SRFBP1: variants seen among roughly 807,000 people sequenced by gnomAD.
SRFBP1 encodes the protein serum response factor-binding protein 1.
In SRFBP1, 47 loss-of-function variants were observed where a neutral mutation model predicts 45.5. That is an observed-to-expected ratio of 1.03 (90% CI 0.82 to 1.32). The LOEUF (loss-of-function observed/expected upper bound fraction) is 1.32, where lower values mean the gene tolerates loss of function less well. Among genes scored for constraint, SRFBP1 ranks in the 40% most tolerant of loss-of-function variants. SRFBP1 has a pLI of 0.00. For missense variants in SRFBP1, 621 were observed against 484.6 expected (o/e 1.28, Z -2.64); for synonymous variants, 203 against 166.3 (o/e 1.22, Z -1.70).
intron 2 of SRFBP1, among the ~76,000 whole-genome samples, chr5:122,040,437 C>G (rs886526362): frequency 6.6e-6 from 1 of 152,108 alleles, no homozygotes; most frequent in African/African-American, 2.4e-5. Flanking sequence ...AAGTCATTCT[C>G]CATGTTGTTT....
chr5:122,037,810 G>T lies in SRFBP1; in HGVS notation n.311+15403G>T, dbSNP rs145609457. Among the ~76,000 whole-genome samples the T allele has an allele frequency of 4.2e-4, 64 of 152,194 alleles. 1 individual carries two copies. Among genetic ancestry groups the T allele is most frequent in the African/African-American group, 1.5e-3 (63 of 41,526 alleles). On this transcript the variant is annotated intron_variant and non_coding_transcript_variant, in intron 2 of 2. Transcript: ENST00000504881. ...TGGGATTATACCCATGAGCCACAGT[G>T]CTTGGCCTGAATGTAGCTCTTAATC...
intron 4 of SRFBP1, 110 bp from the exon 5 acceptor site, chr5:122,019,150 C>T: frequency 1.1e-6 from 1 of 875,494 alleles, no homozygotes; most frequent in South Asian, 1.5e-5. Context: ...TTAACTAGTT[C>T]TATTCTCCAA....
intron 2 of SRFBP1, among the ~76,000 whole-genome samples, chr5:122,046,197 C>A (rs1397084253): frequency 1.3e-5 from 2 of 151,978 alleles, no homozygotes; most frequent in African/African-American, 4.8e-5. Flanking sequence ...TCCCTCCACC[C>A]CCCCTCACCC....
chr5:121,983,419 T>C (rs1428440291), intron 3 of SRFBP1, among the ~76,000 whole-genome samples: 2 of 151,782 alleles, frequency 1.3e-5, no homozygotes, highest in African/African-American at 4.8e-5. Context: ...ACAATTTTGA[T>C]GTTTTTATTT....
intron 4 of SRFBP1, among the ~76,000 whole-genome samples, chr5:121,995,346 C>T (rs988387921): frequency 3.9e-5 from 6 of 152,228 alleles, no homozygotes; most frequent in African/African-American, 7.2e-5. Flanking sequence ...AACTAGAACT[C>T]GGGATTAAGA....
downstream of SRFBP1, chr5:122,077,654 C>G (rs1222871851): frequency 6.2e-7 from 1 of 1,607,974 alleles, no homozygotes; most frequent in Non-Finnish European, 8.5e-7. The surrounding 1 kb of genome is among the most constrained non-coding windows in gnomAD (Gnocchi z 4.9). Flanking sequence ...AGCGGTGACT[C>G]CAGATGAGCC....
At chr5:122,028,901 T>C (rs1467413932), downstream of SRFBP1, among the ~76,000 whole-genome samples, 1 of 152,146 alleles carries the variant, frequency 6.6e-6, no homozygotes, top group Non-Finnish European at 1.5e-5. Context: ...AGGGAAGAGT[T>C]TTAAATTTGT....
chr5:121,984,039 T>C (rs1752469870), intron 3 of SRFBP1, among the ~76,000 whole-genome samples: 1 of 151,770 alleles, frequency 6.6e-6, no homozygotes, highest in South Asian at 2.1e-4. Context: ...TATACATTGC[T>C]CATTCTTACC....
chr5:122,054,512 C>T (rs1754044141), intron 2 of SRFBP1, among the ~76,000 whole-genome samples: 1 of 152,112 alleles, frequency 6.6e-6, no homozygotes. Flanking sequence ...CATACATGAG[C>T]TGTTTGTAGT....
intron 2 of SRFBP1, chr5:122,066,722 T>C (rs751401371): frequency 4.4e-6 from 7 of 1,596,340 alleles, no homozygotes; most frequent in Admixed American, 1.7e-5. Context: ...GATTTATCCA[T>C]TGGGAGTTTT....
chr5:122,065,393 C>G (rs998343165), intron 2 of SRFBP1: 6 of 151,998 alleles, frequency 3.9e-5, no homozygotes, highest in African/African-American at 1.2e-4. Flanking sequence ...GCTTAAGCAC[C>G]ACTAACTTAA....
At position 122,070,080 on chromosome 5, in the gene SRFBP1, G is replaced by C; in HGVS notation, n.312-5235G>C. ...TGAAATTGTGCAGCCTGAGGCATAC[G>C]CATGATGTCCTGTGTAGCGAATGTC... On this transcript the variant is annotated intron_variant and non_coding_transcript_variant, in intron 2 of 2. Transcript: ENST00000504881. 6 of 1,611,696 alleles carry C rather than the reference G, an allele frequency of 3.7e-6. No homozygotes were observed. In the Admixed American group the frequency reaches 6.7e-5, roughly 18 times the overall value.
intron 3 of SRFBP1, among the ~76,000 whole-genome samples, chr5:121,981,439 C>T (rs1302441432): frequency 6.6e-6 from 1 of 151,922 alleles, no homozygotes; most frequent in Admixed American, 6.6e-5. Flanking sequence ...AACCAGTGAC[C>T]TTTCTGAAAT....
At chr5:122,054,198 C>T (rs1196186744) in intron 2 of SRFBP1, among the ~76,000 whole-genome samples, 1 of 152,184 alleles carries the variant, frequency 6.6e-6, no homozygotes, top group Non-Finnish European at 1.5e-5. Context: ...TGAGTGGCTC[C>T]CTGCCTCAGT....
Position 122,027,791 on chromosome 5 carries a change from A to T in SRFBP1, c.*665A>T, listed in dbSNP as rs1050114577. ...AGTACTTGTGATCATGTACTTTTTG[A>T]TTCTAAAATAGTTGTCTAGGACAAT... is the stretch of plus-strand genomic sequence containing the variant. On this transcript the variant is annotated 3_prime_UTR_variant, in exon 8 of 8. Coordinates refer to ENST00000339397, the MANE Select transcript of SRFBP1 (RefSeq NM_152546.3). The T allele has an allele frequency of 1.3e-5, 2 of 152,116 alleles. No homozygotes were observed. The highest frequency in any genetic ancestry group is 4.8e-5 in the African/African-American group (2 of 41,442). The allele number at this position is 152,116 out of a possible 1,614,324, so 9.4% of individuals were successfully genotyped here.
chr5:122,009,358 T>A (rs554973151), intron 4 of SRFBP1, among the ~76,000 whole-genome samples: 2 of 152,326 alleles, frequency 1.3e-5, no homozygotes, highest in African/African-American at 4.8e-5. Context: ...GTGTCTTTGA[T>A]GGATACAATT....
At chr5:122,058,450 C>G (rs895632000) in intron 2 of SRFBP1, among the ~76,000 whole-genome samples, 8 of 151,626 alleles carry the variant, frequency 5.3e-5, no homozygotes, top group African/African-American at 1.9e-4. Context: ...AATGGCTTAG[C>G]TTCTTGAAGC....
intron 4 of SRFBP1, among the ~76,000 whole-genome samples, chr5:122,017,528 A>G (rs1199295361): frequency 6.6e-6 from 1 of 152,196 alleles, no homozygotes; most frequent in Non-Finnish European, 1.5e-5. Context: ...TAATCTGCAA[A>G]GACTTTGTTT....
intron 3 of SRFBP1, 97 bp downstream of exon 3, chr5:121,975,484 G>T (rs79854048): frequency 1.5e-6 from 2 of 1,310,958 alleles, no homozygotes; most frequent in Non-Finnish European, 2.2e-6. Context: ...GAATATTCCC[G>T]AGAGTTGCGT....
Sources: gnomAD v4.1 joint callset for allele counts (sites outside exome capture counted in the v4.1 genomes callset) on GRCh38, gnomAD v4.1.1 for gene constraint, Gnocchi (gnomAD v3.1) non-coding constraint, MANE v1.5 for transcripts, NCBI Gene and HGNC (gene_info 2026-07-23, HGNC 2026-07-21) for gene names.